Variants in SPIDR observed in about 807,000 individuals in gnomAD.
The protein encoded by SPIDR is scaffold protein involved in DNA repair.
In SPIDR, 93 loss-of-function variants were observed where a neutral mutation model predicts 104.6. That is an observed-to-expected ratio of 0.89 (90% CI 0.75 to 1.06). The LOEUF (loss-of-function observed/expected upper bound fraction) is 1.06. Among genes scored for constraint, SPIDR ranks in the 50% least tolerant of loss-of-function variants. The pLI, the probability that SPIDR is intolerant of heterozygous loss-of-function variation, is 0.00. For synonymous variants in SPIDR, 431 were observed against 416.9 expected (o/e 1.03, Z -0.41); for missense variants, 1,154 against 1,111.2 (o/e 1.04, Z -0.55).
intron 5 of SPIDR, among the ~76,000 whole-genome samples, chr8:47,378,916 C>T (rs2172121): frequency 1.3e-5 from 2 of 152,028 alleles, no homozygotes; most frequent in Non-Finnish European, 1.5e-5. Context: ...TAATTGTGAA[C>T]AAGTAGCCAG....
chr8:47,363,062 A>G (rs2056404851), intron 5 of SPIDR, among the ~76,000 whole-genome samples: 2 of 152,120 alleles, frequency 1.3e-5, no homozygotes, highest in African/African-American at 4.8e-5. Context: ...TACCTGGTAA[A>G]TTGACAGGGC....
At chr8:47,297,621 C>T (rs2041128253) in intron 5 of SPIDR, among the ~76,000 whole-genome samples, 2 of 152,024 alleles carry the variant, frequency 1.3e-5, no homozygotes, top group Admixed American at 6.6e-5. Flanking sequence ...CCCCACCCCA[C>T]GACAGGCGCC....
At chr8:47,517,420 G>A (rs758896989) in intron 8 of SPIDR, among the ~76,000 whole-genome samples, 9 of 152,216 alleles carry the variant, frequency 5.9e-5, no homozygotes, top group Non-Finnish European at 1.2e-4. Context: ...CCCTCCCCAT[G>A]CCCACAGACA....
intron 10 of SPIDR, among the ~76,000 whole-genome samples, chr8:47,599,989 C>T (rs1345945009): frequency 1.3e-5 from 2 of 152,162 alleles, no homozygotes; most frequent in Admixed American, 6.5e-5. Context: ...AACTCCTGGC[C>T]TCAAGTGATC....
chr8:47,417,555 G>T (rs578027383), intron 7 of SPIDR, among the ~76,000 whole-genome samples: 168 of 152,058 alleles, frequency 1.1e-3, no homozygotes, highest in African/African-American at 4.0e-3. Flanking sequence ...TGCAAAAATT[G>T]TCTCCCATTC....
intron 7 of SPIDR, among the ~76,000 whole-genome samples, chr8:47,412,669 G>C (rs2063707113): frequency 6.6e-6 from 1 of 152,090 alleles, no homozygotes; most frequent in African/African-American, 2.4e-5. Context: ...AAATCAGCAG[G>C]AACTATTTGT....
chr8:47,639,522 G>T (rs141824045), intron 10 of SPIDR, among the ~76,000 whole-genome samples: 1 of 152,328 alleles, frequency 6.6e-6, no homozygotes, highest in African/African-American at 2.4e-5. Context: ...ATCTAGGGAA[G>T]AGTGTATGGC....
chr8:47,270,264 G>C (rs1366903766), intron 1 of SPIDR, among the ~76,000 whole-genome samples: 1 of 152,104 alleles, frequency 6.6e-6, no homozygotes, highest in Admixed American at 6.6e-5. Context: ...CTGAGCCTCA[G>C]CTTTTCTTTG....
At position 47,590,260 on chromosome 8, in the gene SPIDR, G is replaced by A. The variant is rs1171173596; in HGVS notation, c.1098-5551G>A. ...TCTAGGTTTTTGAGGTAAGAACTTAGATTATTGATTTGAGACTTTTTTCTT... is the reference window on the plus strand; with the variant it reads ...TCTAGGTTTTTGAGGTAAGAACTTAAATTATTGATTTGAGACTTTTTTCTT... On this transcript the variant is annotated intron_variant, in intron 8 of 19. Coordinates refer to ENST00000297423, the MANE Select transcript of SPIDR (RefSeq NM_001080394.4). Among the ~76,000 whole-genome samples the A allele has an allele frequency of 3.3e-5, 5 of 151,828 alleles. No homozygotes were observed. The East Asian group carries it at 9.6e-4, about 29-fold the overall frequency.
chr8:47,390,886 C>G (rs2060499266), intron 5 of SPIDR, among the ~76,000 whole-genome samples: 1 of 152,142 alleles, frequency 6.6e-6, no homozygotes, highest in South Asian at 2.1e-4. Context: ...TCTCGTTAGT[C>G]TGATTCTACA....
chr8:47,445,373 T>C (rs2070367810), intron 8 of SPIDR, among the ~76,000 whole-genome samples: 1 of 152,210 alleles, frequency 6.6e-6, no homozygotes. Flanking sequence ...CGTGGCCATA[T>C]AGGATGGCAA....
chr8:47,354,171 G>A (rs1478112343), intron 5 of SPIDR, among the ~76,000 whole-genome samples: 1 of 152,078 alleles, frequency 6.6e-6, no homozygotes, highest in Non-Finnish European at 1.5e-5. Flanking sequence ...TATTCACAAA[G>A]TGCCTTTCTC....
chr8:47,452,633 G>A (rs542540184), intron 8 of SPIDR, among the ~76,000 whole-genome samples: 1 of 152,272 alleles, frequency 6.6e-6, no homozygotes, highest in South Asian at 2.1e-4. Flanking sequence ...CTCAATAGAT[G>A]CAGAAAAGGC....
At chr8:47,260,888 C>CGCGGTGCGGCGCGCCGAGGTGGGACG, upstream of SPIDR, 2 of 1,179,276 alleles carry the variant, frequency 1.7e-6, no homozygotes, top group Non-Finnish European at 2.1e-6. Context: ...AATGGCAGGG[C>CGCGGTGCGGCGCGCCGAGGTGGGACG]GCGGTGCGGC....
intron 10 of SPIDR, among the ~76,000 whole-genome samples, chr8:47,670,087 A>G (rs1438153245): frequency 6.6e-6 from 1 of 152,108 alleles, no homozygotes; most frequent in Non-Finnish European, 1.5e-5. Context: ...ATGTAATCAC[A>G]TGTGGAGGGG....
intron 5 of SPIDR, among the ~76,000 whole-genome samples, chr8:47,392,712 C>T (rs1243371488): frequency 6.6e-6 from 1 of 152,216 alleles, no homozygotes; most frequent in Non-Finnish European, 1.5e-5. Context: ...TTAACTTAAG[C>T]ATCGTCGTAC....
chr8:47,507,693 T>C (rs556446484), intron 8 of SPIDR, among the ~76,000 whole-genome samples: 11 of 152,358 alleles, frequency 7.2e-5, no homozygotes, highest in African/African-American at 2.2e-4. Flanking sequence ...GACATGTCCT[T>C]CTCTGTAGCC....
At chr8:47,289,805 A>C (rs994421554) in intron 3 of SPIDR, among the ~76,000 whole-genome samples, 27 of 152,224 alleles carry the variant, frequency 1.8e-4, no homozygotes, top group African/African-American at 6.5e-4. Context: ...CATCTTATAC[A>C]CAGATGTTCA....
intron 8 of SPIDR, among the ~76,000 whole-genome samples, chr8:47,500,475 C>T (rs1385169863): frequency 6.6e-6 from 1 of 152,176 alleles, no homozygotes; most frequent in Non-Finnish European, 1.5e-5. Context: ...CCTTCACCCA[C>T]TTGTTGATAG....
Sources: allele counts gnomAD v4.1 joint callset (sites outside exome capture counted in the v4.1 genomes callset), GRCh38; gene constraint gnomAD v4.1.1; transcripts MANE v1.5; gene names NCBI Gene and HGNC (gene_info 2026-07-23, HGNC 2026-07-21).